IL31RA: variants seen among roughly 807,000 people sequenced by gnomAD.
IL31RA encodes the protein interleukin-31 receptor subunit alpha.
IL31RA carries 66 observed loss-of-function variants against 83.7 expected under a neutral mutation model. That is an observed-to-expected ratio of 0.79 (90% CI 0.65 to 0.97). IL31RA has a LOEUF of 0.97. Ranked by LOEUF, IL31RA falls within the 50% of genes least tolerant of loss-of-function variation. The pLI, the probability that IL31RA is intolerant of heterozygous loss-of-function variation, is 0.00. For synonymous variants in IL31RA, 325 were observed against 329.0 expected, an observed-to-expected ratio of 0.99 and a Z score of 0.13; for missense variants, 798 against 919.4, an observed-to-expected ratio of 0.87 and a Z score of 1.71.
upstream of IL31RA, among the ~76,000 whole-genome samples, chr5:55,847,238 AAAATAAAAATAAAT>A (rs1488460463): frequency 6.5e-5 from 1 of 15,492 alleles, no homozygotes; most frequent in Non-Finnish European, 1.5e-4. Flanking sequence ...AAAAAAAAAA[AAAATAAAAATAAAT>A]AAATAAATAA....
rs559212618 is a variant in IL31RA at position 55,914,778 on chromosome 5, T to C, written c.1737-69T>C. 7.1e-6 allele frequency: 8 copies of C among 1,124,966 alleles called. No individual in the cohort carries two copies. In the East Asian group the frequency reaches 1.2e-4, roughly 16 times the overall value. 69.7% of individuals were successfully genotyped at this position (1,124,966 alleles called of 1,614,324 possible). On this transcript the variant is annotated intron_variant, in intron 13 of 14. Coordinates refer to ENST00000652347, the MANE Select transcript of IL31RA (RefSeq NM_139017.7). ...TTCCCTTTAGCACAGCCTCACTCTT[T>C]TGACTCAGCCATATGGTGCTAATGC...
At chr5:55,849,220 T>A (rs1038193702), upstream of IL31RA, among the ~76,000 whole-genome samples, 2 of 152,036 alleles carry the variant, frequency 1.3e-5, no homozygotes, top group Non-Finnish European at 2.9e-5. Flanking sequence ...TTTTAGCTTT[T>A]TTTTTTTCTG....
the IL31RA span, among the ~76,000 whole-genome samples, chr5:55,844,138 A>G: frequency 6.6e-6 from 1 of 152,190 alleles, no homozygotes; most frequent in African/African-American, 2.4e-5. Flanking sequence ...AAAGAATTAC[A>G]TCCAATGTCT....
rs1252693173 is a variant in IL31RA, at chr5:55,903,385, CTG to C, written c.1070-2717_1070-2716del. The stretch of plus-strand genomic sequence containing the variant: ...CCTCCCTGCTTCTTCAAGGAAGGAT[CTG>C]TGTTTCCCACCACACCTGGGGATGT... On this transcript the variant is annotated intron_variant, in intron 8 of 14. Transcript: ENST00000652347. This position sits in a 1 kb window ranked among gnomAD's most constrained non-coding sequence, Gnocchi z 4.7. Among the ~76,000 whole-genome samples, 2 of 152,240 alleles carry C rather than the reference CTG, an allele frequency of 1.3e-5. No individual in the cohort carries two copies. The highest frequency in any genetic ancestry group is 1.3e-4 in the Admixed American group (2 of 15,292).
intron 5 of IL31RA, among the ~76,000 whole-genome samples, chr5:55,889,623 C>T (rs1747857173): frequency 6.6e-6 from 1 of 152,304 alleles, no homozygotes. Context: ...GTTGGAGTCA[C>T]CTCCTAGGCC....
upstream of IL31RA, chr5:55,851,314 C>A (rs571815254): frequency 3.6e-6 from 2 of 556,478 alleles, no homozygotes; most frequent in South Asian, 2.0e-5. Flanking sequence ...ATGACTCATG[C>A]CTGAATAGAG....
chr5:55,910,320 C>T (rs1749424511), intron 11 of IL31RA, among the ~76,000 whole-genome samples: 2 of 152,074 alleles, frequency 1.3e-5, no homozygotes, highest in African/African-American at 4.8e-5. Context: ...GAAGATTTAT[C>T]CTATGCTGTC....
chr5:55,896,375 A>G lies in IL31RA; in HGVS notation c.798A>G (p.Arg266=), dbSNP rs1378246374. The change falls in exon 7 of 15, where the codon AGA becomes AGG. Residue 266 remains arginine (R), a synonymous_variant. Coordinates refer to ENST00000652347, the MANE Select transcript of IL31RA (RefSeq NM_139017.7). ...CTCCATGTGGCCTGGAACTGTGGAG[A>G]GTCCTGAAACCAGCTGAGGCGGATG... The part of the protein sequence containing the change: ...EEAPCGLELW[R]VLKPAEADGR... The G allele has an allele frequency of 1.2e-6, 2 of 1,613,456 alleles. No individual in the cohort carries two copies. Among genetic ancestry groups the G allele is most frequent in the Admixed American group, 3.3e-5 (2 of 60,000 alleles).
chr5:55,840,650 C>A, the IL31RA span, among the ~76,000 whole-genome samples: 1 of 152,232 alleles, frequency 6.6e-6, no homozygotes, highest in Admixed American at 6.5e-5. Flanking sequence ...TTCTCTCCAC[C>A]TTCTAAGCTT....
intron 11 of IL31RA, chr5:55,908,678 T>A (rs1219839128): frequency 6.7e-7 from 1 of 1,497,238 alleles, no homozygotes; most frequent in Admixed American, 2.2e-5. Context: ...GGTTAGGCCC[T>A]GAATTGACCT....
At chr5:55,879,425 CTTTTT>C (rs869152529) in intron 4 of IL31RA, among the ~76,000 whole-genome samples, 8 of 45,794 alleles carry the variant, frequency 1.7e-4, no homozygotes, top group South Asian at 1.3e-3. Flanking sequence ...AGTTTCTGTC[CTTTTT>C]TTTTTTTTTT....
chr5:55,899,828 C>A, intron 7 of IL31RA, 88 bp from the exon 8 acceptor site: 1 of 877,458 alleles, frequency 1.1e-6, no homozygotes, highest in Non-Finnish European at 1.9e-6. Flanking sequence ...AGCCTTATTC[C>A]CCACCCTCAC....
At chr5:55,843,096 G>A in the IL31RA span, among the ~76,000 whole-genome samples, 1 of 152,218 alleles carries the variant, frequency 6.6e-6, no homozygotes, top group Admixed American at 6.5e-5. Flanking sequence ...CCACACATGG[G>A]GATCCACTTT....
At position 55,867,230 on chromosome 5, in the gene IL31RA, T is replaced by G. The variant is rs1461118282; in HGVS notation, c.155-1561T>G. Among the ~76,000 whole-genome samples, 4 of 121,600 alleles carry G rather than the reference T, an allele frequency of 3.3e-5. No individual in the cohort carries two copies. In the East Asian group the frequency reaches 6.2e-4, roughly 19 times the overall value. 79.8% of individuals were successfully genotyped at this position (121,600 alleles called of 152,430 possible). A position where few individuals can be genotyped will look rare whatever the true frequency, so the allele number is the denominator to read the frequency against. ...GTGTGCGCATGTGTGTTTGTGTGTGTGTTTGTGTGTGTGTTTGTGTGTGCG... is the reference window on the plus strand; with the variant it reads ...GTGTGCGCATGTGTGTTTGTGTGTGGGTTTGTGTGTGTGTTTGTGTGTGCG... On this transcript the variant is annotated intron_variant, in intron 2 of 14. Coordinates refer to ENST00000652347, the MANE Select transcript of IL31RA (RefSeq NM_139017.7).
At chr5:55,885,610 G>A (rs1747548364) in intron 5 of IL31RA, among the ~76,000 whole-genome samples, 1 of 150,880 alleles carries the variant, frequency 6.6e-6, no homozygotes, top group Non-Finnish European at 1.5e-5. Context: ...CCCTGGGCAG[G>A]TTTCCTCATC....
In IL31RA at chr5:55,922,817, T is replaced by C. The variant is rs1750153139; in HGVS notation, c.*5697T>C. On this transcript the variant is annotated 3_prime_UTR_variant, in exon 15 of 15. Transcript: ENST00000652347. ...ATACTTCTATACTATTTTCATGTAA[T>C]ACTATACTTCTATATTAAAGTTTTA... 5.7e-6 allele frequency: 1 copy of C among 175,996 alleles called. No individual in the cohort carries two copies. The highest frequency in any genetic ancestry group is 1.2e-5 in the Non-Finnish European group (1 of 83,688). 10.9% of individuals were successfully genotyped at this position (175,996 alleles called of 1,614,324 possible). A position where few individuals can be genotyped will look rare whatever the true frequency, so the allele number is the denominator to read the frequency against.
chr5:55,906,715 G>T (rs766528826), intron 9 of IL31RA, among the ~76,000 whole-genome samples: 1 of 152,140 alleles, frequency 6.6e-6, no homozygotes, highest in East Asian at 1.9e-4. Flanking sequence ...CCTGCCCTAC[G>T]TAAGATATGC....
At chr5:55,891,761 ATTTTTTTTTTTTTTT>A (rs35672011) in intron 6 of IL31RA, among the ~76,000 whole-genome samples, 18 of 59,996 alleles carry the variant, frequency 3.0e-4, no homozygotes, top group South Asian at 1.8e-3. Flanking sequence ...TTTGGACAAG[ATTTTTTTTTTTTTTT>A]TTTTTTTTTT....
chr5:55,865,350 C>G (rs982981555), intron 2 of IL31RA, among the ~76,000 whole-genome samples: 2 of 152,068 alleles, frequency 1.3e-5, no homozygotes, highest in African/African-American at 4.8e-5. Context: ...ATGTGCAGGA[C>G]TAGGAGGAAG....
Sources: gnomAD v4.1 joint callset for allele counts (sites outside exome capture counted in the v4.1 genomes callset) on GRCh38, gnomAD v4.1.1 for gene constraint, Gnocchi (gnomAD v3.1) non-coding constraint, MANE v1.5 for transcripts, NCBI Gene and HGNC (gene_info 2026-07-23, HGNC 2026-07-21) for gene names.